RAPGEF2: variants seen among roughly 807,000 people sequenced by gnomAD.
The protein encoded by RAPGEF2 is Rap guanine nucleotide exchange factor 2.
A neutral mutation model predicts 186.7 loss-of-function variants in RAPGEF2; 54 were observed. The ratio of observed to expected loss-of-function variants is 0.29; its 90% CI spans 0.23 to 0.36. The LOEUF (loss-of-function observed/expected upper bound fraction) is 0.36, where lower values mean the gene tolerates loss of function less well. Ranked by LOEUF, RAPGEF2 falls within the 10% of genes least tolerant of loss-of-function variation. The pLI is 1.00. For missense variants in RAPGEF2, 1,532 were observed against 2,045.0 expected (o/e 0.75, Z 4.84); for synonymous variants, 712 against 705.9 (o/e 1.01, Z -0.14).
At chr4:159,274,193 T>G (rs1248252059) in intron 7 of RAPGEF2, among the ~76,000 whole-genome samples, 2 of 152,224 alleles carry the variant, frequency 1.3e-5, no homozygotes, top group East Asian at 3.8e-4. Context: ...TTTTCTTCAT[T>G]TTCTTTTGTT....
chr4:159,233,752 A>G (rs1239057769), intron 4 of RAPGEF2, among the ~76,000 whole-genome samples: 2 of 152,204 alleles, frequency 1.3e-5, no homozygotes, highest in Non-Finnish European at 2.9e-5. Context: ...CTATTCCCCA[A>G]TAACCTATGG....
chr4:159,190,617 G>A (rs1036025292), intron 2 of RAPGEF2, among the ~76,000 whole-genome samples: 12 of 152,178 alleles, frequency 7.9e-5, no homozygotes, highest in African/African-American at 2.9e-4. Flanking sequence ...TCATAGTTCC[G>A]CATGGCTGGG....
intron 1 of RAPGEF2, among the ~76,000 whole-genome samples, chr4:159,170,891 G>T (rs760577294): frequency 6.6e-6 from 1 of 152,056 alleles, no homozygotes; most frequent in South Asian, 2.1e-4. Flanking sequence ...ATTAATAAGG[G>T]TCTAATTTTA....
chr4:159,129,714 A>C (rs967822434), intron 1 of RAPGEF2, among the ~76,000 whole-genome samples: 3 of 152,192 alleles, frequency 2.0e-5, no homozygotes, highest in Non-Finnish European at 4.4e-5. Flanking sequence ...TACAAAATGA[A>C]GTTCTAATTT....
chr4:159,107,777 GAA>G (rs1044397016), intron 1 of RAPGEF2, among the ~76,000 whole-genome samples: 3 of 152,144 alleles, frequency 2.0e-5, no homozygotes, highest in African/African-American at 7.2e-5. Flanking sequence ...TAAATTATGA[GAA>G]ACGGCATGAA....
At chr4:159,207,907 GT>G (rs982838514) in intron 3 of RAPGEF2, among the ~76,000 whole-genome samples, 1 of 152,140 alleles carries the variant, frequency 6.6e-6, no homozygotes, top group African/African-American at 2.4e-5. Flanking sequence ...AGACAAATAA[GT>G]TTTTTTCACA....
intron 1 of RAPGEF2, among the ~76,000 whole-genome samples, chr4:159,119,921 C>T (rs1006560496): frequency 6.6e-6 from 1 of 152,034 alleles, no homozygotes; most frequent in African/African-American, 2.4e-5. Flanking sequence ...TTGGGTGCTC[C>T]AATTGTATGT....
intron 7 of RAPGEF2, among the ~76,000 whole-genome samples, chr4:159,245,026 A>T (rs1343105002): frequency 6.6e-6 from 1 of 152,056 alleles, no homozygotes; most frequent in Non-Finnish European, 1.5e-5. Flanking sequence ...TAAAAGATAA[A>T]TCAATATGTA....
In RAPGEF2 at chr4:159,193,272, T is replaced by G; in HGVS notation, c.197+16T>G. On this transcript the variant is annotated intron_variant, in intron 3 of 29. Transcript: ENST00000691494. Reference sequence around the variant, plus strand: ...TTTTATACTAGTAGGTGTTTCCTTTTTGTTTGTACAATGTATCTAATCCAG... The same window carrying G: ...TTTTATACTAGTAGGTGTTTCCTTTGTGTTTGTACAATGTATCTAATCCAG... 1 of 1,458,430 alleles carries G rather than the reference T, an allele frequency of 6.9e-7. No homozygotes were observed. The highest frequency in any genetic ancestry group is 1.4e-5 in the African/African-American group (1 of 70,386). The allele number at this position is 1,458,430 out of a possible 1,614,324, so 90.3% of individuals were successfully genotyped here.
At chr4:159,149,412 C>T (rs1052635713) in intron 1 of RAPGEF2, among the ~76,000 whole-genome samples, 1 of 152,092 alleles carries the variant, frequency 6.6e-6, no homozygotes, top group African/African-American at 2.4e-5. Flanking sequence ...GTGCCTGCCA[C>T]CACACCCGGC....
intron 8 of RAPGEF2, among the ~76,000 whole-genome samples, chr4:159,311,819 C>T (rs1403557291): frequency 6.6e-6 from 1 of 152,102 alleles, no homozygotes; most frequent in Non-Finnish European, 1.5e-5. Flanking sequence ...TAGTAGGTCC[C>T]TGAAAAGTTG....
intron 11 of RAPGEF2, among the ~76,000 whole-genome samples, chr4:159,326,487 A>G (rs1765942191): frequency 6.6e-6 from 1 of 152,208 alleles, no homozygotes; most frequent in Admixed American, 6.5e-5. Context: ...TGGTTTCTGT[A>G]GTAAGATGGT....
intron 9 of RAPGEF2, among the ~76,000 whole-genome samples, chr4:159,316,507 C>T (rs1358206656): frequency 6.6e-6 from 1 of 152,080 alleles, no homozygotes; most frequent in East Asian, 1.9e-4. Context: ...TGTGTTGTTC[C>T]CCTCTGTGTG....
intron 4 of RAPGEF2, among the ~76,000 whole-genome samples, chr4:159,211,236 A>T (rs1446626197): frequency 6.6e-6 from 1 of 152,018 alleles, no homozygotes; most frequent in African/African-American, 2.4e-5. Context: ...GTTGGGGCGG[A>T]TGTATTCCTC....
At chr4:159,241,453 G>T in intron 6 of RAPGEF2, 85 bp downstream of exon 6, 3 of 832,108 alleles carry the variant, frequency 3.6e-6, no homozygotes, top group Non-Finnish European at 4.8e-6. Flanking sequence ...TTCCATTTTT[G>T]ACAAATCTTT....
intron 4 of RAPGEF2, among the ~76,000 whole-genome samples, chr4:159,212,627 T>C (rs2111377494): frequency 6.6e-6 from 1 of 152,352 alleles, no homozygotes; most frequent in South Asian, 2.1e-4. Context: ...TTTTAGTGCC[T>C]ATTTAACATT....
intron 1 of RAPGEF2, 145 bp from the exon 2 acceptor site, chr4:159,186,497 A>G (rs1747570160): frequency 4.6e-6 from 2 of 432,624 alleles, no homozygotes; most frequent in Non-Finnish European, 8.1e-6. Context: ...GCTTTTAATA[A>G]TGTTTATTTT....
In RAPGEF2 at chr4:159,358,695, GA is replaced by G. The variant is rs1321090608; in HGVS notation, c.*557del. On this transcript the variant is annotated 3_prime_UTR_variant, in exon 30 of 30. Coordinates refer to ENST00000691494, the MANE Select transcript of RAPGEF2 (RefSeq NM_001394067.2). ...TTTAAAAAAAAAAAATGAGTTTAAA[GA>G]TTTTGTTCAGAGAGTAAATATATAT... 2 of 151,788 alleles carry G rather than the reference GA, an allele frequency of 1.3e-5. No individual in the cohort carries two copies. The highest frequency in any genetic ancestry group is 4.8e-5 in the African/African-American group (2 of 41,302). The allele number at this position is 151,788 out of a possible 1,614,324, so 9.4% of individuals were successfully genotyped here. A position where few individuals can be genotyped will look rare whatever the true frequency, so the allele number is the denominator to read the frequency against.
chr4:159,160,594 C>T (rs1395655215), intron 1 of RAPGEF2, among the ~76,000 whole-genome samples: 3 of 152,226 alleles, frequency 2.0e-5, no homozygotes, highest in Non-Finnish European at 4.4e-5. Flanking sequence ...ACTGCATTGC[C>T]TGCGCACAGA....
Sources: allele counts gnomAD v4.1 joint callset (sites outside exome capture counted in the v4.1 genomes callset), GRCh38; gene constraint gnomAD v4.1.1; transcripts MANE v1.5; gene names NCBI Gene and HGNC (gene_info 2026-07-23, HGNC 2026-07-21).